The following TCF4 variants were observed in gnomAD, a reference collection of about 807,000 sequenced individuals.
TCF4 encodes the protein SL3-3 enhancer factor 2.
TCF4 carries 3 observed loss-of-function variants against 82.1 expected under a neutral mutation model. The ratio of observed to expected loss-of-function variants is 0.04; its 90% CI spans 0.02 to 0.09. The LOEUF is 0.09. Among genes scored for constraint, TCF4 ranks in the 10% least tolerant of loss-of-function variants. The pLI, the probability that TCF4 is intolerant of heterozygous loss-of-function variation, is 1.00. For synonymous variants in TCF4, 276 were observed against 309.6 expected (o/e 0.89, Z 1.14); for missense variants, 518 against 852.7 (o/e 0.61, Z 4.89).
At chr18:55,476,182 A>C (rs1452458691) in intron 3 of TCF4, among the ~76,000 whole-genome samples, 1 of 152,224 alleles carries the variant, frequency 6.6e-6, no homozygotes, top group African/African-American at 2.4e-5. Flanking sequence ...TACAAAAAAA[A>C]AAATTGGAAA....
intron 3 of TCF4, among the ~76,000 whole-genome samples, chr18:55,517,778 GT>G (rs1210247155): frequency 6.6e-6 from 1 of 152,074 alleles, no homozygotes; most frequent in Non-Finnish European, 1.5e-5. Context: ...ATATACTTCT[GT>G]TTAGGTATAA....
intron 8 of TCF4, among the ~76,000 whole-genome samples, chr18:55,316,198 G>A (rs1310860855): frequency 6.6e-6 from 1 of 152,080 alleles, no homozygotes; most frequent in Non-Finnish European, 1.5e-5. Flanking sequence ...TACAAGGCAT[G>A]CATTTAGGTC....
At position 55,234,530 on chromosome 18, in the gene TCF4, C is replaced by T; in HGVS notation, c.1486+18G>A. The stretch of plus-strand genomic sequence containing the variant: ...TTGTGAAAGTGAGGTCAGAAGTGCC[C>T]TGGTGAGGCCAACCTACCTCTGTAA... On this transcript the variant is annotated intron_variant, in intron 16 of 19. Transcript: ENST00000354452. 6.2e-7 allele frequency: 1 copy of T among 1,614,116 alleles called. No homozygotes were observed.
intron 1 of TCF4, among the ~76,000 whole-genome samples, chr18:55,634,295 A>C (rs1006745487): frequency 6.6e-6 from 1 of 151,916 alleles, no homozygotes; most frequent in African/African-American, 2.4e-5. Flanking sequence ...AAAAACAAAA[A>C]AAAAAACTAG....
At chr18:55,427,226 T>C (rs1004226757) in intron 5 of TCF4, among the ~76,000 whole-genome samples, 1 of 152,162 alleles carries the variant, frequency 6.6e-6, no homozygotes, top group East Asian at 1.9e-4. Context: ...CCCTTTTCCA[T>C]ACTCCATTCC....
chr18:55,302,040 T>C (rs1442385384), intron 8 of TCF4, among the ~76,000 whole-genome samples: 1 of 152,250 alleles, frequency 6.6e-6, no homozygotes, highest in Admixed American at 6.5e-5. Flanking sequence ...TCCACTGTCC[T>C]GCAGAGGGAA....
At chr18:55,310,194 GA>G (rs1177556307) in intron 8 of TCF4, among the ~76,000 whole-genome samples, 2 of 152,168 alleles carry the variant, frequency 1.3e-5, no homozygotes, top group African/African-American at 4.8e-5. Context: ...GCTGGACAGG[GA>G]AACAGGAAGA....
intron 2 of TCF4, among the ~76,000 whole-genome samples, chr18:55,617,479 G>C (rs747001524): frequency 7.2e-5 from 11 of 151,934 alleles, no homozygotes; most frequent in African/African-American, 2.4e-4. Flanking sequence ...AAATGCCATT[G>C]GAATTTTTAT....
rs1055552978 is a variant in TCF4, at chr18:55,290,926, A to G, written c.550-11270T>C. On this transcript the variant is annotated intron_variant, in intron 8 of 19. Transcript: ENST00000354452. ...CTCTAGATATATTCTTTGATCTTGA[A>G]CTTAATTACGTAAAGCAAATTTGAC... 8.5e-5 allele frequency among the ~76,000 whole-genome samples: 13 copies of G among 152,206 alleles called. 1 individual carries two copies. Among genetic ancestry groups the G allele is most frequent in the Admixed American group, 4.6e-4 (7 of 15,280 alleles).
intron 3 of TCF4, among the ~76,000 whole-genome samples, chr18:55,515,043 A>G (rs1453658735): frequency 6.6e-6 from 1 of 152,312 alleles, no homozygotes; most frequent in East Asian, 1.9e-4. Context: ...GATGAAAATA[A>G]CTTCAGCAAG....
intron 5 of TCF4, chr18:55,403,745 C>T (rs768573909): frequency 5.7e-5 from 87 of 1,535,790 alleles, no homozygotes; most frequent in Non-Finnish European, 1.1e-5. Context: ...CTCCACACTT[C>T]CAAAAACTGT....
In TCF4 at chr18:55,503,041, C is replaced by T. The variant is rs183335743; in HGVS notation, c.146-38904G>A. The stretch of plus-strand genomic sequence containing the variant: ...TGGATATGAATTACTTTTGATTTAT[C>T]CTTATTCATTCTAAATGTCTCTTTT... On this transcript the variant is annotated intron_variant, in intron 3 of 19. Transcript: ENST00000354452. 4.6e-4 allele frequency among the ~76,000 whole-genome samples: 70 copies of T among 152,244 alleles called. No homozygotes were observed. In the East Asian group the frequency reaches 0.012, roughly 27 times the overall value.
rs535043423 is a variant in TCF4 at position 55,232,223 on chromosome 18, A to C, written c.1649+286T>G. ...CAACATTTCTGACCAAATTTGTAGA[A>C]TAAGTATAGTTTTACAAATAAACTG... On this transcript the variant is annotated intron_variant, in intron 17 of 19. Coordinates refer to ENST00000354452, the MANE Select transcript of TCF4 (RefSeq NM_001083962.2). The C allele has an allele frequency of 1.0e-3, 356 of 343,060 alleles. 2 individuals carry two copies. The highest frequency in any genetic ancestry group is 6.9e-3 in the African/African-American group (331 of 48,144). The allele number at this position is 343,060 out of a possible 1,614,324, so 21.3% of individuals were successfully genotyped here.
intron 8 of TCF4, among the ~76,000 whole-genome samples, chr18:55,328,001 C>T (rs1319137811): frequency 6.6e-6 from 1 of 152,096 alleles, no homozygotes; most frequent in African/African-American, 2.4e-5. Flanking sequence ...CTAGGAAATT[C>T]AACAAACCAG....
intron 5 of TCF4, chr18:55,423,427 G>A (rs2919445): frequency 0.14 from 14,844 of 106,048 alleles, 1,043 homozygotes; most frequent in African/African-American, 0.33. Context: ...ACGCGCGCGC[G>A]CACACACACA....
intron 6 of TCF4, among the ~76,000 whole-genome samples, chr18:55,388,890 G>T (rs1396270046): frequency 1.3e-5 from 2 of 152,076 alleles, no homozygotes; most frequent in Non-Finnish European, 2.9e-5. Context: ...TTGGGAGGCC[G>T]AGGCGGGTGG....
intron 5 of TCF4, among the ~76,000 whole-genome samples, chr18:55,430,363 G>A (rs928978496): frequency 1.3e-5 from 2 of 152,184 alleles, no homozygotes; most frequent in Admixed American, 1.3e-4. Context: ...TCATCCAGAG[G>A]CCACAACCCT....
intron 3 of TCF4, among the ~76,000 whole-genome samples, chr18:55,564,144 G>A (rs1046278420): frequency 2.0e-5 from 3 of 152,206 alleles, no homozygotes; most frequent in Admixed American, 2.0e-4. Context: ...GAGAGAAGAT[G>A]TGTTCTACTG....
At chr18:55,517,131 C>T (rs2096890205) in intron 3 of TCF4, among the ~76,000 whole-genome samples, 1 of 152,100 alleles carries the variant, frequency 6.6e-6, no homozygotes, top group Non-Finnish European at 1.5e-5. Flanking sequence ...CATCCTTCAC[C>T]CATGATTTTG....
Sources: gnomAD v4.1 joint callset for allele counts (sites outside exome capture counted in the v4.1 genomes callset) on GRCh38, gnomAD v4.1.1 for gene constraint, MANE v1.5 for transcripts, NCBI Gene and HGNC (gene_info 2026-07-23, HGNC 2026-07-21) for gene names.